The following SRRM4 variants were observed in gnomAD, a reference collection of about 807,000 sequenced individuals.
The protein encoded by SRRM4 is serine/arginine repetitive matrix 4, also known as serine/arginine repetitive matrix protein 4.
In SRRM4, 33 loss-of-function variants were observed where a neutral mutation model predicts 68.9. That is an observed-to-expected ratio of 0.48 (90% confidence interval 0.36 to 0.64). SRRM4 has a LOEUF of 0.64. Among genes scored for constraint, SRRM4 ranks in the 30% least tolerant of loss-of-function variants. The pLI, the probability that SRRM4 is intolerant of heterozygous loss-of-function variation, is 0.00. For synonymous variants in SRRM4, 318 were observed against 318.8 expected, an observed-to-expected ratio of 1.00 and a Z score of 0.03; for missense variants, 817 against 827.1, an observed-to-expected ratio of 0.99 and a Z score of 0.15.
rs138889713 is a variant in SRRM4, at chr12:119,054,752, C to T, written c.132-47484C>T. Reference sequence around the variant, plus strand: ...TGTCATCCCTGTATTCATTTCTTGACGCTATTCTCCATGATGTTGATTCCA... The same window carrying T: ...TGTCATCCCTGTATTCATTTCTTGATGCTATTCTCCATGATGTTGATTCCA... On this transcript the variant is annotated intron_variant, in intron 1 of 12. Transcript: ENST00000267260. 1.3e-4 allele frequency among the ~76,000 whole-genome samples: 20 copies of T among 152,296 alleles called. No homozygotes were observed. In the East Asian group the frequency reaches 1.9e-3, roughly 15 times the overall value.
Position 119,007,377 on chromosome 12 carries a change from G to A in SRRM4, c.131+25364G>A, listed in dbSNP as rs180860484. On this transcript the variant is annotated intron_variant, in intron 1 of 12. Transcript: ENST00000267260. ...AAATATTTTGGAGTTTATCCTTCTA[G>A]ACTCACTAACTTACTCTTATTTTCT... Among the ~76,000 whole-genome samples, 43 of 152,218 alleles carry A rather than the reference G, an allele frequency of 2.8e-4. No individual in the cohort carries two copies. The East Asian group carries it at 7.3e-3, about 26-fold the overall frequency.
At chr12:119,080,159 G>A (rs577675418) in intron 1 of SRRM4, among the ~76,000 whole-genome samples, 17 of 152,044 alleles carry the variant, frequency 1.1e-4, no homozygotes, top group South Asian at 2.1e-4. Context: ...CTGGGACCTC[G>A]GTGGTTCTAC....
In SRRM4 at chr12:119,021,296, T is replaced by C. The variant is rs185906671; in HGVS notation, c.131+39283T>C. The stretch of plus-strand genomic sequence containing the variant: ...AAAAAAAGAAGTGATCCTATGGTCA[T>C]AGTGTCTCAGAAGAGATGAAACCTG... On this transcript the variant is annotated intron_variant, in intron 1 of 12. Transcript: ENST00000267260. Among the ~76,000 whole-genome samples the C allele has an allele frequency of 3.1e-3, 472 of 152,290 alleles. 3 individuals carry two copies. Among genetic ancestry groups the C allele is most frequent in the African/African-American group, 0.01 (423 of 41,554 alleles).
chr12:119,136,101 G>T (rs10774487), intron 8 of SRRM4, among the ~76,000 whole-genome samples: 65,516 of 152,032 alleles, frequency 0.43, 14,901 homozygotes, highest in South Asian at 0.55. Context: ...TGTCATCATA[G>T]CAGCTTTACT....
At chr12:119,139,875 T>G (rs1056815112) in intron 8 of SRRM4, among the ~76,000 whole-genome samples, 3 of 152,200 alleles carry the variant, frequency 2.0e-5, no homozygotes, top group Non-Finnish European at 4.4e-5. Context: ...AGCACCTTTT[T>G]TTTTCATTTA....
At position 119,154,143 on chromosome 12, in the gene SRRM4, C is replaced by T; in HGVS notation, c.1392-100C>T. 8.8e-7 allele frequency: 1 copy of T among 1,130,556 alleles called. No homozygotes were observed. The highest frequency in any genetic ancestry group is 1.5e-5 in the African/African-American group (1 of 64,712). 70.0% of individuals were successfully genotyped at this position (1,130,556 alleles called of 1,614,324 possible). A position where few individuals can be genotyped will look rare whatever the true frequency, so the allele number is the denominator to read the frequency against. On this transcript the variant is annotated intron_variant, in intron 11 of 12. Coordinates refer to ENST00000267260, the MANE Select transcript of SRRM4 (RefSeq NM_194286.4). This position sits in a 1 kb window ranked among gnomAD's most constrained non-coding sequence, Gnocchi z 4.7. ...CAACGTGCAGACCCCATCCCGTGAC[C>T]CAGTGGGGTGGGAAAGAAAGGGAGT... is the stretch of plus-strand genomic sequence containing the variant.
chr12:118,998,728 C>T (rs1266028937), intron 1 of SRRM4, among the ~76,000 whole-genome samples: 1 of 152,192 alleles, frequency 6.6e-6, no homozygotes. Context: ...AATACATAAA[C>T]AATTAGGTTG....
intron 1 of SRRM4, among the ~76,000 whole-genome samples, chr12:119,069,136 G>A (rs912115713): frequency 6.6e-6 from 1 of 152,130 alleles, no homozygotes; most frequent in Admixed American, 6.5e-5. Flanking sequence ...AATAGAAACG[G>A]GAGAGCCCTA....
intron 1 of SRRM4, among the ~76,000 whole-genome samples, chr12:119,055,954 G>A (rs74329695): frequency 0.045 from 6,909 of 152,274 alleles, 220 homozygotes; most frequent in East Asian, 0.1. Context: ...ACAATAGAAC[G>A]AAATCTCTTC....
intron 1 of SRRM4, among the ~76,000 whole-genome samples, chr12:119,010,478 TTCAA>T (rs1953442436): frequency 6.6e-6 from 1 of 152,232 alleles, no homozygotes; most frequent in African/African-American, 2.4e-5. Flanking sequence ...GTTCTCTTTG[TTCAA>T]TCAGAGTTTA....
intron 1 of SRRM4, among the ~76,000 whole-genome samples, chr12:119,095,688 T>C (rs375306010): frequency 6.6e-6 from 1 of 152,146 alleles, no homozygotes; most frequent in African/African-American, 2.4e-5. Context: ...AACCTTGAGA[T>C]ACAGAGCCTC....
At chr12:119,034,681 T>A (rs1046455660) in intron 1 of SRRM4, among the ~76,000 whole-genome samples, 1 of 152,216 alleles carries the variant, frequency 6.6e-6, no homozygotes, top group African/African-American at 2.4e-5. Flanking sequence ...ATGTCTATAG[T>A]ATTGCATCTT....
At chr12:118,986,478 A>G (rs1334389603) in intron 1 of SRRM4, among the ~76,000 whole-genome samples, 1 of 152,178 alleles carries the variant, frequency 6.6e-6, no homozygotes, top group Non-Finnish European at 1.5e-5. Context: ...ATGTTCAGTG[A>G]ATGTTGGATG....
chr12:119,120,707 C>T (rs555325200), intron 5 of SRRM4, among the ~76,000 whole-genome samples: 3 of 152,304 alleles, frequency 2.0e-5, no homozygotes, highest in Admixed American at 2.0e-4. Context: ...CAAACTGGAT[C>T]CTGAGCTAAG....
intron 1 of SRRM4, among the ~76,000 whole-genome samples, chr12:119,029,503 T>C (rs902626014): frequency 2.0e-5 from 3 of 152,204 alleles, no homozygotes; most frequent in African/African-American, 7.2e-5. Flanking sequence ...CACTGAGGCA[T>C]TCAACAACCA....
At chr12:118,999,922 A>T (rs1363488911) in intron 1 of SRRM4, among the ~76,000 whole-genome samples, 1 of 152,208 alleles carries the variant, frequency 6.6e-6, no homozygotes, top group African/African-American at 2.4e-5. Context: ...AATACTAGGC[A>T]CTAAGTAGAA....
intron 1 of SRRM4, among the ~76,000 whole-genome samples, chr12:118,987,071 A>G (rs1287294237): frequency 6.6e-6 from 1 of 152,154 alleles, no homozygotes; most frequent in East Asian, 1.9e-4. Context: ...AAGTAGAATG[A>G]TGAAGAGTTT....
At position 119,162,383 on chromosome 12, in the gene SRRM4, C is replaced by T. The variant is rs1048741725; in HGVS notation, c.*5585C>T. On this transcript the variant is annotated 3_prime_UTR_variant, in exon 13 of 13. Transcript: ENST00000267260. ...TAAGCCCCGTGGTCCAAAGTCATCACGGGAGAGACCAAGATGGGCTTACCT... is the reference window on the plus strand; with the variant it reads ...TAAGCCCCGTGGTCCAAAGTCATCATGGGAGAGACCAAGATGGGCTTACCT... 2.6e-5 allele frequency: 4 copies of T among 152,196 alleles called. No individual in the cohort carries two copies. Among genetic ancestry groups the T allele is most frequent in the African/African-American group, 9.6e-5 (4 of 41,454 alleles). The allele number at this position is 152,196 out of a possible 1,614,324, so 9.4% of individuals were successfully genotyped here. A position where few individuals can be genotyped will look rare whatever the true frequency, so the allele number is the denominator to read the frequency against.
At chr12:119,031,832 T>G (rs1953593858) in intron 1 of SRRM4, among the ~76,000 whole-genome samples, 1 of 152,314 alleles carries the variant, frequency 6.6e-6, no homozygotes, top group South Asian at 2.1e-4. Flanking sequence ...AATAAAGATT[T>G]TATTAACCAT....
Sources: allele counts gnomAD v4.1 joint callset (sites outside exome capture counted in the v4.1 genomes callset), GRCh38; gene constraint gnomAD v4.1.1; non-coding constraint Gnocchi (gnomAD v3.1); transcripts MANE v1.5; gene names NCBI Gene and HGNC (gene_info 2026-07-23, HGNC 2026-07-21).